Variants in SAMD3 observed in about 807,000 individuals in gnomAD.
The protein encoded by SAMD3 is sterile alpha motif domain-containing protein 3.
SAMD3 carries 63 observed loss-of-function variants against 58.5 expected under a neutral mutation model. That is an observed-to-expected ratio of 1.08 (90% CI 0.88 to 1.33). SAMD3 has a LOEUF of 1.33. SAMD3 is among the 40% of genes most tolerant of loss of function. The probability of loss-of-function intolerance (pLI) is 0.00; values close to 1 mark genes in which losing one functional copy is unlikely to be tolerated. For missense variants in SAMD3, 604 were observed against 608.4 expected, an observed-to-expected ratio of 0.99 and a Z score of 0.08; for synonymous variants, 220 against 210.3, an observed-to-expected ratio of 1.05 and a Z score of -0.40.
At chr6:130,264,172 A>G (rs1774249782) in intron 2 of SAMD3, among the ~76,000 whole-genome samples, 1 of 152,192 alleles carries the variant, frequency 6.6e-6, no homozygotes, top group South Asian at 2.1e-4. Context: ...TCGACCATGC[A>G]TAGGCTGCAT....
intron 11 of SAMD3, 151 bp downstream of exon 11, chr6:130,145,189 T>C (rs1788504849): frequency 6.8e-6 from 3 of 441,612 alleles, no homozygotes; most frequent in South Asian, 5.5e-5. Context: ...AACCAGGAGG[T>C]GGAGGCTGCA....
In SAMD3 at chr6:130,296,424, T is replaced by C. The variant is rs942773162; in HGVS notation, c.-188+16554A>G. Among the ~76,000 whole-genome samples the C allele has an allele frequency of 3.3e-5, 5 of 152,004 alleles. No homozygotes were observed. The East Asian group carries it at 9.7e-4, about 30-fold the overall frequency. On this transcript the variant is annotated intron_variant, in intron 2 of 13. Coordinates refer to the SAMD3 transcript ENST00000368134. ...GAGGAGCCCTACAAAAGCCCCCTCA[T>C]GACAAAGGAAATAAGGGCACAGCAC...
chr6:130,184,161 T>G lies in SAMD3; in HGVS notation c.596A>C (p.Asp199Ala). 6.2e-7 allele frequency: 1 copy of G among 1,613,948 alleles called. No individual in the cohort carries two copies. The highest frequency in any genetic ancestry group is 8.5e-7 in the Non-Finnish European group (1 of 1,179,898). The change falls in exon 7 of 12, where the codon GAC becomes GCC. Residue 199 changes from aspartate to alanine, a missense_variant. Physicochemically the swap from Asp to Ala is moderately radical, Grantham distance 126. Transcript: ENST00000439090. Reference sequence around the variant, plus strand: ...GGCCTGCAGCAGGGCATTAACCACGTCATTGTACTGCTGGGTGCTGGGGTA... The same window carrying G: ...GGCCTGCAGCAGGGCATTAACCACGGCATTGTACTGCTGGGTGCTGGGGTA... ...SLYPSTQQYN[D>A]VVNALLQAHP...
rs147593624 is a variant in SAMD3, at chr6:130,340,356, T to C, written c.-304+24764A>G. 1.1e-4 allele frequency among the ~76,000 whole-genome samples: 16 copies of C among 152,328 alleles called. 1 individual carries two copies. The East Asian group carries it at 2.7e-3, about 26-fold the overall frequency. ...TCTTCAGTCTTCAAAGCCACTAGTATAGCATCTTCGAATTTTTCTCTGATT... is the reference window on the plus strand; with the variant it reads ...TCTTCAGTCTTCAAAGCCACTAGTACAGCATCTTCGAATTTTTCTCTGATT... On this transcript the variant is annotated intron_variant, in intron 1 of 13. Coordinates refer to the SAMD3 transcript ENST00000368134.
At chr6:130,338,791 A>G (rs1336221635) in intron 1 of SAMD3, among the ~76,000 whole-genome samples, 1 of 152,184 alleles carries the variant, frequency 6.6e-6, no homozygotes, top group East Asian at 1.9e-4. Context: ...TCCAATTCCT[A>G]TACTAATATT....
chr6:130,300,865 C>T (rs1408311106), intron 2 of SAMD3, among the ~76,000 whole-genome samples: 1 of 152,094 alleles, frequency 6.6e-6, no homozygotes, highest in Non-Finnish European at 1.5e-5. Flanking sequence ...TACCTGTGCA[C>T]AACATGCAGG....
chr6:130,154,770 G>A, intron 9 of SAMD3, 55 bp downstream of exon 9: 1 of 712,990 alleles, frequency 1.4e-6, no homozygotes, highest in Non-Finnish European at 2.2e-6. Context: ...TAAAATATGT[G>A]TGTGTGTGTA....
chr6:130,150,924 C>A (rs369545053), intron 9 of SAMD3, among the ~76,000 whole-genome samples: 1 of 152,130 alleles, frequency 6.6e-6, no homozygotes, highest in South Asian at 2.1e-4. Context: ...GTTGGCCAGG[C>A]TGGTCTCGAA....
At chr6:130,170,885 A>G (rs1024433812) in intron 8 of SAMD3, among the ~76,000 whole-genome samples, 1 of 152,206 alleles carries the variant, frequency 6.6e-6, no homozygotes, top group Non-Finnish European at 1.5e-5. Flanking sequence ...TGTCGTCTGC[A>G]AACAGAGACA....
chr6:130,192,199 G>A (rs922251848), intron 5 of SAMD3, among the ~76,000 whole-genome samples: 14 of 152,174 alleles, frequency 9.2e-5, no homozygotes, highest in African/African-American at 3.1e-4. Context: ...TTGTAGAAAG[G>A]TTTAGCAATG....
intron 2 of SAMD3, among the ~76,000 whole-genome samples, chr6:130,269,351 CT>C (rs1203632333): frequency 6.6e-6 from 1 of 152,036 alleles, no homozygotes. Flanking sequence ...GCTGGATATT[CT>C]TTTTTAGAGG....
chr6:130,320,108 G>T (rs1038014312), intron 1 of SAMD3, among the ~76,000 whole-genome samples: 6 of 151,894 alleles, frequency 4.0e-5, no homozygotes, highest in African/African-American at 1.5e-4. Context: ...AAAGGAAAAA[G>T]GCAATAAAGA....
intron 1 of SAMD3, among the ~76,000 whole-genome samples, chr6:130,317,143 A>T (rs117240787): frequency 0.025 from 3,839 of 152,260 alleles, 69 homozygotes; most frequent in Non-Finnish European, 0.04. Flanking sequence ...TATGATTACT[A>T]TTAGCTATAA....
At chr6:130,342,054 G>A (rs1160283822) in intron 1 of SAMD3, among the ~76,000 whole-genome samples, 1 of 152,128 alleles carries the variant, frequency 6.6e-6, no homozygotes, top group Non-Finnish European at 1.5e-5. Context: ...TGGGTCTTTG[G>A]TTAGTTGGGT....
intron 2 of SAMD3, among the ~76,000 whole-genome samples, chr6:130,238,803 G>A (rs1482393125): frequency 1.3e-5 from 2 of 152,190 alleles, no homozygotes; most frequent in Admixed American, 6.5e-5. Context: ...CTGTCGCCCA[G>A]GCTGGAGTGT....
At chr6:130,323,589 G>C (rs767661740) in intron 1 of SAMD3, among the ~76,000 whole-genome samples, 2 of 151,800 alleles carry the variant, frequency 1.3e-5, no homozygotes, top group Non-Finnish European at 2.9e-5. Context: ...GATCACTTGA[G>C]GCCAGGAGTT....
At chr6:130,153,706 C>G (rs1582728568) in intron 9 of SAMD3, among the ~76,000 whole-genome samples, 5 of 132,410 alleles carry the variant, frequency 3.8e-5, no homozygotes. Flanking sequence ...GACAGGGTCT[C>G]ACTGTGTCAC....
chr6:130,281,572 C>T (rs932491513), intron 2 of SAMD3, among the ~76,000 whole-genome samples: 5 of 151,992 alleles, frequency 3.3e-5, no homozygotes, highest in African/African-American at 1.2e-4. Context: ...TGAAATCCTT[C>T]AAGAGCTTTC....
At chr6:130,348,796 C>T (rs1777549839) in intron 1 of SAMD3, among the ~76,000 whole-genome samples, 1 of 152,192 alleles carries the variant, frequency 6.6e-6, no homozygotes, top group South Asian at 2.1e-4. Context: ...CACCACACCA[C>T]ACCTATTCCA....
Sources: allele counts gnomAD v4.1 joint callset (sites outside exome capture counted in the v4.1 genomes callset), GRCh38; gene constraint gnomAD v4.1.1; transcripts MANE v1.5; gene names NCBI Gene and HGNC (gene_info 2026-07-23, HGNC 2026-07-21).